SLIT2: variants seen among roughly 807,000 people sequenced by gnomAD.
SLIT2 encodes slit homolog 2 protein.
In SLIT2, 41 loss-of-function variants were observed where a neutral mutation model predicts 185.7. The ratio of observed to expected loss-of-function variants is 0.22; its 90% confidence interval spans 0.17 to 0.29. SLIT2 has a LOEUF of 0.29. Ranked by LOEUF, SLIT2 falls within the 10% of genes least tolerant of loss-of-function variation. The pLI, the probability that SLIT2 is intolerant of heterozygous loss-of-function variation, is 1.00. For missense variants in SLIT2, 1,571 were observed against 1,909.0 expected (o/e 0.82, Z 3.30); for synonymous variants, 693 against 680.2 (o/e 1.02, Z -0.29).
intron 4 of SLIT2, among the ~76,000 whole-genome samples, chr4:20,319,493 T>A (rs1436415153): frequency 1.3e-5 from 2 of 152,158 alleles, no homozygotes; most frequent in Non-Finnish European, 2.9e-5. Flanking sequence ...GATGGATGCA[T>A]CATATTGATT....
At chr4:20,374,234 G>A (rs1233841608) in intron 4 of SLIT2, among the ~76,000 whole-genome samples, 1 of 152,092 alleles carries the variant, frequency 6.6e-6, no homozygotes, top group African/African-American at 2.4e-5. Context: ...GAGAGTCCTT[G>A]TATGTGTTTG....
chr4:20,609,892 C>A, intron 33 of SLIT2, 121 bp from the exon 34 acceptor site: 1 of 858,918 alleles, frequency 1.2e-6, no homozygotes, highest in Non-Finnish European at 1.7e-6. Flanking sequence ...TCGTCTTTAT[C>A]TTCATTAGTG....
At chr4:20,312,061 T>A (rs1718157951) in intron 4 of SLIT2, among the ~76,000 whole-genome samples, 1 of 152,254 alleles carries the variant, frequency 6.6e-6, no homozygotes, top group Non-Finnish European at 1.5e-5. Flanking sequence ...TCTTGTTTTT[T>A]ATGACCATGA....
intron 29 of SLIT2, among the ~76,000 whole-genome samples, chr4:20,581,665 C>T (rs1037410025): frequency 6.6e-6 from 1 of 152,166 alleles, no homozygotes; most frequent in Non-Finnish European, 1.5e-5. Flanking sequence ...CTACCCTGTA[C>T]AAGTGGTCAC....
At position 20,549,094 on chromosome 4, in the gene SLIT2, C is replaced by T. The variant is rs143383158; in HGVS notation, c.2455C>T (p.Arg819Cys). Residue 819 changes from arginine to cysteine, a missense_variant, in exon 24 of 37, where the codon CGC becomes TGC. Physicochemically the swap from Arg to Cys is radical, Grantham distance 180. Coordinates refer to ENST00000504154, the MANE Select transcript of SLIT2 (RefSeq NM_004787.4). ...SYNRLRCIPP[R>C]TFDGLKSLRL... ...CAACCGTCTGAGATGTATTCCTCCT[C>T]GCACCTTTGATGGATTAAAGTCTCT... The T allele has an allele frequency of 1.9e-5, 31 of 1,599,544 alleles. No individual in the cohort carries two copies. Among genetic ancestry groups the T allele is most frequent in the Non-Finnish European group, 2.3e-5 (27 of 1,167,420 alleles).
rs555684651 is a variant in SLIT2 at position 20,518,096 on chromosome 4, C to T, written c.1059-1286C>T. On this transcript the variant is annotated intron_variant, in intron 11 of 36. Transcript: ENST00000504154. ...ATATATGTGTGTGTATATATATATA[C>T]ACACACATATATATACATATACATA... Among the ~76,000 whole-genome samples, 699 of 126,290 alleles carry T rather than the reference C, an allele frequency of 5.5e-3. 6 individuals are homozygous for T. The highest frequency in any genetic ancestry group is 0.019 in the African/African-American group (674 of 35,806). 82.9% of individuals were successfully genotyped at this position (126,290 alleles called of 152,430 possible).
chr4:20,609,117 A>G (rs1729016610), intron 33 of SLIT2, among the ~76,000 whole-genome samples: 2 of 152,160 alleles, frequency 1.3e-5, no homozygotes, highest in African/African-American at 4.8e-5. Context: ...TTAGATATGC[A>G]ACTACACTTT....
At chr4:20,385,798 A>C (rs1724887251) in intron 4 of SLIT2, among the ~76,000 whole-genome samples, 1 of 152,196 alleles carries the variant, frequency 6.6e-6, no homozygotes, top group Admixed American at 6.6e-5. Flanking sequence ...GTATATCAAA[A>C]GAAGAAAATG....
intron 8 of SLIT2, chr4:20,490,781 C>CT (rs1353608539): frequency 1.3e-6 from 2 of 1,497,970 alleles, no homozygotes; most frequent in Non-Finnish European, 1.8e-6. Context: ...TCTCTCTTCA[C>CT]TTTTTCCTTT....
At chr4:20,573,267 T>C (rs1725772865) in intron 29 of SLIT2, 1 of 702,884 alleles carries the variant, frequency 1.4e-6, no homozygotes, top group South Asian at 1.5e-5. Flanking sequence ...AAAGGTTAGT[T>C]GCCTTTTAAG....
intron 4 of SLIT2, among the ~76,000 whole-genome samples, chr4:20,408,440 G>A (rs1346086029): frequency 2.6e-5 from 4 of 151,870 alleles, no homozygotes; most frequent in African/African-American, 9.7e-5. Flanking sequence ...TTTGTTCTAG[G>A]TGAAAGCTTG....
chr4:20,532,793 A>G (rs1721920739), intron 17 of SLIT2, among the ~76,000 whole-genome samples: 1 of 152,216 alleles, frequency 6.6e-6, no homozygotes, highest in Non-Finnish European at 1.5e-5. Context: ...GGTTTCTGAT[A>G]TCTTAATTGC....
chr4:20,300,554 TATG>T lies in SLIT2; in HGVS notation c.395+31678_395+31680del, dbSNP rs375306740. 3.4e-4 allele frequency among the ~76,000 whole-genome samples: 51 copies of T among 152,218 alleles called. No homozygotes were observed. In the East Asian group the frequency reaches 8.9e-3, roughly 26 times the overall value. ...TATCTATATATCCTAAGATATAATA[TATG>T]ATGAGTGCATTTTAGTTGTCTCGCA... On this transcript the variant is annotated intron_variant, in intron 4 of 36. Coordinates refer to ENST00000504154, the MANE Select transcript of SLIT2 (RefSeq NM_004787.4).
intron 4 of SLIT2, among the ~76,000 whole-genome samples, chr4:20,417,458 A>ATATATATATATATATATATATATATG (rs56169119): frequency 7.3e-6 from 1 of 137,040 alleles, no homozygotes; most frequent in Non-Finnish European, 1.6e-5. Context: ...ATATATATAT[A>ATATATATATATATATATATATATATG]CGTATATATA....
In SLIT2 at chr4:20,354,038, C is replaced by CA. The variant is rs561012245; in HGVS notation, c.395+85164dup. On this transcript the variant is annotated intron_variant, in intron 4 of 36. Transcript: ENST00000504154. ...GTTATTCCAAAACCAGAGGAAACTG[C>CA]AAAAAAAGAGTGCTGTGTTAGCAGT... is the stretch of plus-strand genomic sequence containing the variant. 5.2e-4 allele frequency among the ~76,000 whole-genome samples: 79 copies of CA among 151,850 alleles called. No individual in the cohort carries two copies. The South Asian group carries it at 0.015, about 28-fold the overall frequency.
At chr4:20,461,253 A>G (rs960217685) in intron 4 of SLIT2, among the ~76,000 whole-genome samples, 4 of 152,226 alleles carry the variant, frequency 2.6e-5, no homozygotes, top group Non-Finnish European at 5.9e-5. Flanking sequence ...GAGAATTAAG[A>G]GCATGAAATT....
chr4:20,555,842 T>C (rs1724208964), intron 26 of SLIT2, among the ~76,000 whole-genome samples: 1 of 152,030 alleles, frequency 6.6e-6, no homozygotes, highest in South Asian at 2.1e-4. Flanking sequence ...CCCCTTAATA[T>C]ATTGCATTGT....
intron 4 of SLIT2, among the ~76,000 whole-genome samples, chr4:20,407,222 C>A (rs73250380): frequency 0.077 from 11,670 of 152,024 alleles, 576 homozygotes; most frequent in Non-Finnish European, 0.11. Context: ...ACAGATGAGT[C>A]CATTTTGTTA....
At chr4:20,510,452 G>A (rs764967627) in intron 9 of SLIT2, 43 bp from the exon 10 acceptor site, 23 of 1,241,592 alleles carry the variant, frequency 1.9e-5, no homozygotes, top group Non-Finnish European at 2.7e-5. Context: ...CATGTCCGAA[G>A]GTTCACATTT....
Sources: allele counts gnomAD v4.1 joint callset (sites outside exome capture counted in the v4.1 genomes callset), GRCh38; gene constraint gnomAD v4.1.1; transcripts MANE v1.5; gene names NCBI Gene and HGNC (gene_info 2026-07-23, HGNC 2026-07-21).